SH3GL1: variants seen among roughly 807,000 people sequenced by gnomAD.
SH3GL1 encodes SH3 domain containing GRB2 like 1, endophilin A2, also known as endophilin-A2.
Under a neutral mutation model 48.8 loss-of-function variants are expected in SH3GL1, and 21 were observed. The ratio of observed to expected loss-of-function variants is 0.43; its 90% confidence interval spans 0.30 to 0.62. The LOEUF is 0.62. Ranked by LOEUF, SH3GL1 falls within the 20% of genes least tolerant of loss-of-function variation. The pLI, the probability that SH3GL1 is intolerant of heterozygous loss-of-function variation, is 0.11. For missense variants in SH3GL1, 454 were observed against 503.0 expected, an observed-to-expected ratio of 0.90 and a Z score of 0.93; for synonymous variants, 282 against 217.5, an observed-to-expected ratio of 1.30 and a Z score of -2.61.
At chr19:4,373,496 C>T (rs1972943255) in intron 1 of SH3GL1, among the ~76,000 whole-genome samples, 1 of 152,232 alleles carries the variant, frequency 6.6e-6, no homozygotes, top group Non-Finnish European at 1.5e-5. Flanking sequence ...GACAAAGTTT[C>T]TGAAATTATT....
At chr19:4,378,192 A>C (rs1015738591) in intron 1 of SH3GL1, among the ~76,000 whole-genome samples, 4 of 152,228 alleles carry the variant, frequency 2.6e-5, no homozygotes, top group African/African-American at 9.6e-5. Flanking sequence ...AATAAGAAGC[A>C]GCCCTGCCCT....
chr19:4,377,217 G>C (rs904005269), intron 1 of SH3GL1, among the ~76,000 whole-genome samples: 1 of 152,230 alleles, frequency 6.6e-6, no homozygotes, highest in Non-Finnish European at 1.5e-5. Context: ...TATCCAGGAG[G>C]ATGCCCGGGA....
chr19:4,387,980 C>T (rs1057418925), intron 1 of SH3GL1, among the ~76,000 whole-genome samples: 2 of 152,174 alleles, frequency 1.3e-5, no homozygotes, highest in African/African-American at 4.8e-5. Context: ...CCGCCTCAGC[C>T]TCCTGAGTAG....
intron 5 of SH3GL1, 98 bp from the exon 6 acceptor site, chr19:4,363,976 C>G: frequency 6.2e-7 from 1 of 1,603,404 alleles, no homozygotes; most frequent in Non-Finnish European, 8.5e-7. Flanking sequence ...GGGATCCTGC[C>G]TGCCTGAGAC....
intron 1 of SH3GL1, among the ~76,000 whole-genome samples, chr19:4,379,586 A>C (rs1198200293): frequency 6.6e-6 from 1 of 152,032 alleles, no homozygotes; most frequent in African/African-American, 2.4e-5. Context: ...CCTGTTTCCC[A>C]ATCAACCTGC....
rs979250907 is a variant in SH3GL1 at position 4,396,489 on chromosome 19, C to CT, written c.45+3834dup. 3.9e-3 allele frequency among the ~76,000 whole-genome samples: 565 copies of CT among 146,482 alleles called. 2 individuals carry two copies. The highest frequency in any genetic ancestry group is 9.9e-3 in the African/African-American group (400 of 40,304). The stretch of plus-strand genomic sequence containing the variant: ...AATCTTTGTTTTATTTTATATTTTA[C>CT]TTTTTTTTTTTTTGAGACGAAGTCT... On this transcript the variant is annotated intron_variant, in intron 1 of 9. Transcript: ENST00000269886.
intron 1 of SH3GL1, among the ~76,000 whole-genome samples, chr19:4,377,845 C>T (rs532725760): frequency 3.3e-5 from 5 of 152,218 alleles, no homozygotes; most frequent in Admixed American, 2.0e-4. Context: ...TGGCCCGAGT[C>T]CCCCCACCAT....
At position 4,366,222 on chromosome 19, in the gene SH3GL1, A is replaced by G. The variant is rs732716; in HGVS notation, c.187+279T>C. On this transcript the variant is annotated intron_variant, in intron 3 of 9. Transcript: ENST00000269886. ...ATGGATCCCACAAGTAAGCTGGGGGAGAGGCTCCCTGCCAGGACTGCTGGC... is the reference window on the plus strand; with the variant it reads ...ATGGATCCCACAAGTAAGCTGGGGGGGAGGCTCCCTGCCAGGACTGCTGGC... 0.23 allele frequency among the ~76,000 whole-genome samples: 34,625 copies of G among 152,104 alleles called. 4,409 individuals are homozygous for G. Among genetic ancestry groups the G allele is most frequent in the Admixed American group, 0.3 (4,574 of 15,284 alleles).
At chr19:4,365,769 A>T in intron 3 of SH3GL1, 144 bp from the exon 4 acceptor site, 1 of 1,205,938 alleles carries the variant, frequency 8.3e-7, no homozygotes. Flanking sequence ...TGGAATCCCC[A>T]GAGGGTCCCT....
At chr19:4,368,898 C>T (rs916690267) in intron 1 of SH3GL1, among the ~76,000 whole-genome samples, 13 of 152,084 alleles carry the variant, frequency 8.5e-5, no homozygotes, top group African/African-American at 2.9e-4. Flanking sequence ...AGTGAAACCC[C>T]GTCTCTACTA....
At chr19:4,388,186 A>C (rs1316386227) in intron 1 of SH3GL1, among the ~76,000 whole-genome samples, 1 of 152,170 alleles carries the variant, frequency 6.6e-6, no homozygotes. Flanking sequence ...TTGAGCAAGG[A>C]AAAATACCAC....
At chr19:4,380,790 A>C (rs1973105866) in intron 1 of SH3GL1, among the ~76,000 whole-genome samples, 2 of 152,116 alleles carry the variant, frequency 1.3e-5, no homozygotes, top group Non-Finnish European at 2.9e-5. Context: ...ACGGGGACTG[A>C]ATTTTCTATC....
At chr19:4,366,134 C>T (rs1476521032) in intron 3 of SH3GL1, among the ~76,000 whole-genome samples, 1 of 152,156 alleles carries the variant, frequency 6.6e-6, no homozygotes, top group African/African-American at 2.4e-5. Flanking sequence ...CCAGGGAGAC[C>T]CAGTCCCAAG....
At chr19:4,381,029 G>A (rs981327666) in intron 1 of SH3GL1, among the ~76,000 whole-genome samples, 2 of 151,538 alleles carry the variant, frequency 1.3e-5, no homozygotes, top group Admixed American at 6.6e-5. Context: ...TTCCCCACCG[G>A]CCTCCTCTCC....
intron 2 of SH3GL1, 77 bp downstream of exon 2, chr19:4,366,849 G>T: frequency 6.9e-7 from 1 of 1,457,618 alleles, no homozygotes; most frequent in Non-Finnish European, 9.6e-7. Flanking sequence ...ATCAAGGTTG[G>T]CCGCCTCCAC....
At chr19:4,394,849 C>CG (rs796393293) in intron 1 of SH3GL1, among the ~76,000 whole-genome samples, 7 of 152,308 alleles carry the variant, frequency 4.6e-5, no homozygotes, top group African/African-American at 1.7e-4. Context: ...TCCTTTGCAG[C>CG]GGGGGGAAGC....
intron 7 of SH3GL1, among the ~76,000 whole-genome samples, chr19:4,363,042 G>A (rs1446433560): frequency 1.3e-5 from 2 of 152,096 alleles, no homozygotes; most frequent in Non-Finnish European, 2.9e-5. Context: ...CACGGACGGC[G>A]CCCCACATAC....
intron 1 of SH3GL1, among the ~76,000 whole-genome samples, chr19:4,374,563 C>G (rs73539287): frequency 9.8e-5 from 15 of 152,352 alleles, no homozygotes; most frequent in Admixed American, 7.2e-4. Context: ...CCAGCCCGAA[C>G]CTGGCCCGTC....
At position 4,366,513 on chromosome 19, in the gene SH3GL1, G is replaced by A. The variant is rs1972782770; in HGVS notation, c.175C>T (p.Gln59Ter). ...EVLARTIEYLQPNPASRAKLT... is the reference protein window; with the variant it reads ...EVLARTIEYL Reference sequence around the variant, plus strand: ...CTGGAGCACCCACCTGGGTTGGGCTGCAGGTACTCGATGGTCCTGGCCAGC... The same window carrying A: ...CTGGAGCACCCACCTGGGTTGGGCTACAGGTACTCGATGGTCCTGGCCAGC... The change falls in exon 3 of 10, where the codon CAG (glutamine) becomes TAG (stop). Residue 59 changes from glutamine (Q) to a stop codon, truncating the protein, a stop_gained. Coordinates refer to ENST00000269886, the MANE Select transcript of SH3GL1 (RefSeq NM_003025.4). LOFTEE classifies it high-confidence loss of function. The A allele has an allele frequency of 3.1e-6, 5 of 1,610,402 alleles. No individual in the cohort carries two copies. Among genetic ancestry groups the A allele is most frequent in the Non-Finnish European group, 4.2e-6 (5 of 1,179,084 alleles).
Sources: allele counts gnomAD v4.1 joint callset (sites outside exome capture counted in the v4.1 genomes callset), GRCh38; gene constraint gnomAD v4.1.1; transcripts MANE v1.5; gene names NCBI Gene and HGNC (gene_info 2026-07-23, HGNC 2026-07-21).